The following SRR variants were observed in gnomAD, a reference collection of about 807,000 sequenced individuals.
The protein encoded by SRR is D-serine ammonia-lyase.
In SRR, 19 loss-of-function variants were observed where a neutral mutation model predicts 32.7. That is an observed-to-expected ratio of 0.58 (90% CI 0.40 to 0.85). The LOEUF (loss-of-function observed/expected upper bound fraction) is 0.85, where lower values mean the gene tolerates loss of function less well. Among genes scored for constraint, SRR ranks in the 40% least tolerant of loss-of-function variants. The pLI is 0.00. For synonymous variants in SRR, 142 were observed against 140.9 expected, an observed-to-expected ratio of 1.01 and a Z score of -0.06; for missense variants, 373 against 404.7, an observed-to-expected ratio of 0.92 and a Z score of 0.67.
At chr17:2,303,449 G>C (rs939894210), upstream of SRR, 2 of 1,305,224 alleles carry the variant, frequency 1.5e-6, no homozygotes, top group African/African-American at 3.1e-5. Flanking sequence ...GACTGGCCGA[G>C]CCCGACCCCG....
chr17:2,318,604 C>T (rs538282140), intron 3 of SRR, among the ~76,000 whole-genome samples: 2 of 149,118 alleles, frequency 1.3e-5, no homozygotes, highest in East Asian at 4.0e-4. Flanking sequence ...CAGGAGCCTG[C>T]CACCATGCCT....
At chr17:2,319,334 T>C (rs2075504740) in intron 4 of SRR, among the ~76,000 whole-genome samples, 1 of 152,202 alleles carries the variant, frequency 6.6e-6, no homozygotes, top group Non-Finnish European at 1.5e-5. Flanking sequence ...GTTGGAGTCA[T>C]CTTTTTTTGA....
At chr17:2,307,630 C>T (rs573470658) in intron 1 of SRR, 2 of 942,022 alleles carry the variant, frequency 2.1e-6, no homozygotes, top group Admixed American at 1.7e-5. Flanking sequence ...TATGGTGGTG[C>T]AGGCCAATAC....
Position 2,325,174 on chromosome 17 carries a change from C to A in SRR, c.*1301C>A. 1 of 714,194 alleles carries A rather than the reference C, an allele frequency of 1.4e-6. No individual in the cohort carries two copies. Among genetic ancestry groups the A allele is most frequent in the Non-Finnish European group, 2.3e-6 (1 of 435,196 alleles). The allele number at this position is 714,194 out of a possible 1,614,324, so 44.2% of individuals were successfully genotyped here. On this transcript the variant is annotated 3_prime_UTR_variant, in exon 8 of 8. Coordinates refer to ENST00000344595, the MANE Select transcript of SRR (RefSeq NM_021947.3). Reference sequence around the variant, plus strand: ...TTCTATTAACAATGTTAAATGAAGACTTACTGTATTTTGAAAACCATCATT... The same window carrying A: ...TTCTATTAACAATGTTAAATGAAGAATTACTGTATTTTGAAAACCATCATT...
intron 7 of SRR, 145 bp from the exon 8 acceptor site, chr17:2,323,510 G>A (rs140095938): frequency 1.7e-6 from 2 of 1,146,394 alleles, no homozygotes; most frequent in Non-Finnish European, 2.5e-6. Flanking sequence ...GACAGAAGCA[G>A]AGTCAGAATT....
At chr17:2,309,447 C>T (rs2075418297) in intron 1 of SRR, among the ~76,000 whole-genome samples, 1 of 152,096 alleles carries the variant, frequency 6.6e-6, no homozygotes, top group Non-Finnish European at 1.5e-5. Context: ...TTTCCTGTGT[C>T]ACTCCTTTAT....
chr17:2,321,158 C>T (rs866162366), intron 4 of SRR, 148 bp from the exon 5 acceptor site: 282 of 897,118 alleles, frequency 3.1e-4, no homozygotes, highest in Middle Eastern at 2.9e-3. Context: ...TGCTTGAGGG[C>T]AGGGATATTT....
At chr17:2,307,590 G>A in intron 1 of SRR, 1 of 1,010,288 alleles carries the variant, frequency 9.9e-7, no homozygotes, top group Non-Finnish European at 1.5e-6. Flanking sequence ...CATGAAGGGA[G>A]GAAACTTTGG....
intron 1 of SRR, among the ~76,000 whole-genome samples, chr17:2,313,774 C>G (rs1024599030): frequency 6.6e-6 from 1 of 152,078 alleles, no homozygotes; most frequent in African/African-American, 2.4e-5. Flanking sequence ...ATGTACTCAC[C>G]TATGAGATTC....
chr17:2,319,426 C>G (rs1172977476), intron 4 of SRR, among the ~76,000 whole-genome samples: 1 of 152,076 alleles, frequency 6.6e-6, no homozygotes, highest in Non-Finnish European at 1.5e-5. Context: ...GTAGCTAGGA[C>G]TACAGGTGCA....
At chr17:2,309,701 T>C (rs1385398809) in intron 1 of SRR, 1 of 152,580 alleles carries the variant, frequency 6.6e-6, no homozygotes, top group Non-Finnish European at 1.5e-5. Context: ...TAATTGATAC[T>C]GTGTTACAGA....
intron 1 of SRR, among the ~76,000 whole-genome samples, chr17:2,308,140 T>C (rs1269056856): frequency 6.6e-6 from 1 of 151,796 alleles, no homozygotes; most frequent in Non-Finnish European, 1.5e-5. Flanking sequence ...ATTTAGAAAT[T>C]ATAATAATGA....
chr17:2,324,704 T>C lies in SRR; in HGVS notation c.*831T>C, dbSNP rs747783790. 8.1e-6 allele frequency: 13 copies of C among 1,614,152 alleles called. No individual in the cohort carries two copies. In the South Asian group the frequency reaches 1.4e-4, roughly 18 times the overall value. On this transcript the variant is annotated 3_prime_UTR_variant, in exon 8 of 8. Transcript: ENST00000344595. Reference sequence around the variant, plus strand: ...TCATACCCACCTCTGTTGAAGAACATGTAACGTACTACTGCCATCTTAGTA... The same window carrying C: ...TCATACCCACCTCTGTTGAAGAACACGTAACGTACTACTGCCATCTTAGTA...
rs2075565081 is a variant in SRR at position 2,324,786 on chromosome 17, A to G, written c.*913A>G. 2 of 1,614,144 alleles carry G rather than the reference A, an allele frequency of 1.2e-6. No individual in the cohort carries two copies. Among genetic ancestry groups the G allele is most frequent in the African/African-American group, 2.7e-5 (2 of 75,062 alleles). On this transcript the variant is annotated 3_prime_UTR_variant, in exon 8 of 8. Transcript: ENST00000344595. ...CTCTCTTGATGACCATTCTGTCTGG[A>G]TCTACTGACATAAGATGGCCTGTAG...
rs1391175886 is a variant in SRR at position 2,317,842 on chromosome 17, AT to A, written c.169-27del. On this transcript the variant is annotated intron_variant, in intron 2 of 7. Transcript: ENST00000344595. The stretch of plus-strand genomic sequence containing the variant: ...TTCCAAAACAATGTTTTAATCAAAT[AT>A]GTGAATTCACCATCCCTCTTTTTCA... 4 of 1,601,586 alleles carry A rather than the reference AT, an allele frequency of 2.5e-6. No individual in the cohort carries two copies. In the Admixed American group the frequency reaches 6.9e-5, roughly 28 times the overall value.
In SRR at chr17:2,315,758, T is replaced by G; in HGVS notation, c.168+30T>G. The G allele has an allele frequency of 1.9e-6, 3 of 1,600,574 alleles. No individual in the cohort carries two copies. The South Asian group carries it at 3.3e-5, about 18-fold the overall frequency. ...CAATCCTTTTTCTCAGTGTATCATG[T>G]ATGTTTTCACACCCTTTCACATATC... On this transcript the variant is annotated intron_variant, in intron 2 of 7. Coordinates refer to ENST00000344595, the MANE Select transcript of SRR (RefSeq NM_021947.3).
At chr17:2,307,837 A>C (rs945788429) in intron 1 of SRR, 18 of 663,926 alleles carry the variant, frequency 2.7e-5, no homozygotes, top group African/African-American at 2.1e-4. Context: ...TGCTACAAAG[A>C]AGATATGTTT....
intron 1 of SRR, among the ~76,000 whole-genome samples, chr17:2,306,440 G>A (rs888368518): frequency 5.3e-5 from 8 of 152,038 alleles, no homozygotes; most frequent in African/African-American, 1.9e-4. Context: ...TTTTAGGCCA[G>A]GCCCCGTGGC....
intron 1 of SRR, among the ~76,000 whole-genome samples, chr17:2,310,719 C>T (rs963141752): frequency 6.6e-6 from 1 of 151,968 alleles, no homozygotes; most frequent in African/African-American, 2.4e-5. Flanking sequence ...GCTGGGACTA[C>T]AGGCAAATGC....
Sources: gnomAD v4.1 joint callset for allele counts (sites outside exome capture counted in the v4.1 genomes callset) on GRCh38, gnomAD v4.1.1 for gene constraint, MANE v1.5 for transcripts, NCBI Gene and HGNC (gene_info 2026-07-23, HGNC 2026-07-21) for gene names.